MFHAS1: variants seen among roughly 807,000 people sequenced by gnomAD.
The protein encoded by MFHAS1 is malignant fibrous histiocytoma-amplified sequence 1.
Under a neutral mutation model 70.4 loss-of-function variants are expected in MFHAS1, and 50 were observed. That is an observed-to-expected ratio of 0.71 (90% CI 0.57 to 0.90). MFHAS1 has a LOEUF of 0.90. Ranked by LOEUF, MFHAS1 falls within the 40% of genes least tolerant of loss-of-function variation. The pLI is 0.00. For synonymous variants in MFHAS1, 952 were observed against 620.0 expected, an observed-to-expected ratio of 1.54 and a Z score of -7.96; for missense variants, 1,795 against 1,347.6, an observed-to-expected ratio of 1.33 and a Z score of -5.20.
rs59496543 is a variant in MFHAS1 at position 8,856,980 on chromosome 8, GAAAAAAAAAA to G, written c.2998+33071_2998+33080del. ...CCTGACACTTTCACATCAGGAAAGT[GAAAAAAAAAA>G]AAAAAAAAAAAAAAAAAAGAGGAGA... On this transcript the variant is annotated intron_variant, in intron 1 of 2. Transcript: ENST00000276282. Among the ~76,000 whole-genome samples, 66 of 53,388 alleles carry G rather than the reference GAAAAAAAAAA, an allele frequency of 1.2e-3. 1 individual carries two copies. Among genetic ancestry groups the G allele is most frequent in the South Asian group, 2.0e-3 (2 of 1,002 alleles). The allele number at this position is 53,388 out of a possible 152,430, so 35.0% of individuals were successfully genotyped here.
At chr8:8,794,688 A>G (rs1479396137) in intron 2 of MFHAS1, among the ~76,000 whole-genome samples, 1 of 149,886 alleles carries the variant, frequency 6.7e-6, no homozygotes. Flanking sequence ...CTTCATTTAG[A>G]GTTGAGAATT....
intron 1 of MFHAS1, among the ~76,000 whole-genome samples, chr8:8,887,859 CA>C (rs11300082): frequency 0.27 from 25,912 of 95,550 alleles, 2,800 homozygotes; most frequent in African/African-American, 0.39. Flanking sequence ...GCAAAAAAAA[CA>C]AAAAAAAAAA....
intron 1 of MFHAS1, among the ~76,000 whole-genome samples, chr8:8,819,077 T>C (rs1471293180): frequency 2.6e-5 from 4 of 151,946 alleles, no homozygotes; most frequent in Admixed American, 1.3e-4. Context: ...CTAAATAAAG[T>C]CGGCTTATAT....
intron 1 of MFHAS1, among the ~76,000 whole-genome samples, chr8:8,874,830 AT>A (rs1370874467): frequency 1.3e-5 from 2 of 152,120 alleles, no homozygotes; most frequent in East Asian, 3.8e-4. Context: ...CTAGAAAAAA[AT>A]GCCTTAAGTA....
rs1810006271 is a variant in MFHAS1, at chr8:8,891,153, G to GT, written c.1905dup (p.Arg636ThrfsTer12). The GT allele has an allele frequency of 6.2e-7, 1 of 1,613,466 alleles. No homozygotes were observed. Among genetic ancestry groups the GT allele is most frequent in the Non-Finnish European group, 8.5e-7 (1 of 1,180,036 alleles). ...GACAGCAACTTGTCCCGAAGGCGTC[G>GT]TAAGTGGCGCGGGTCCCTGCAGCTA... On this transcript the variant is annotated frameshift_variant, in exon 1 of 3. Transcript: ENST00000276282. LOFTEE classifies it high-confidence loss of function. The surrounding 1 kb of genome is among the most constrained non-coding windows in gnomAD (Gnocchi z 5.4).
At chr8:8,881,157 G>C (rs570417903) in intron 1 of MFHAS1, among the ~76,000 whole-genome samples, 78 of 152,280 alleles carry the variant, frequency 5.1e-4, no homozygotes, top group Non-Finnish European at 9.6e-4. Flanking sequence ...AAACTTGTTG[G>C]TGATAGCTTT....
At chr8:8,786,703 GT>G (rs56344671) in intron 2 of MFHAS1, among the ~76,000 whole-genome samples, 20 of 147,700 alleles carry the variant, frequency 1.4e-4, no homozygotes, top group South Asian at 2.1e-4. Context: ...TTTGAAAGTG[GT>G]TTTTTTTTTT....
intron 1 of MFHAS1, among the ~76,000 whole-genome samples, chr8:8,869,482 T>C (rs1389179336): frequency 6.6e-6 from 1 of 152,156 alleles, no homozygotes; most frequent in East Asian, 1.9e-4. Context: ...GTCTCTTATT[T>C]CTATGAGACC....
intron 1 of MFHAS1, among the ~76,000 whole-genome samples, chr8:8,853,491 C>CA (rs1232883742): frequency 2.4e-3 from 293 of 122,800 alleles, no homozygotes; most frequent in African/African-American, 8.1e-3. Flanking sequence ...AAAAAAAAAA[C>CA]CACACACAAC....
chr8:8,806,070 T>A (rs1806278785), intron 1 of MFHAS1, among the ~76,000 whole-genome samples: 2 of 152,224 alleles, frequency 1.3e-5, no homozygotes, highest in Non-Finnish European at 2.9e-5. Flanking sequence ...GTAGCATTGT[T>A]CCCTACGTCT....
In MFHAS1 at chr8:8,797,559, A is replaced by T. The variant is rs1276978035; in HGVS notation, c.2999-68T>A. On this transcript the variant is annotated intron_variant, in intron 1 of 2. Coordinates refer to ENST00000276282, the MANE Select transcript of MFHAS1 (RefSeq NM_004225.3). ...AAAAATGGGCTCATTTTACAAAGAC[A>T]GCACTGCCCGGGGATGGGGGCAGGG... 4 of 1,537,576 alleles carry T rather than the reference A, an allele frequency of 2.6e-6. No homozygotes were observed. The East Asian group carries it at 9.3e-5, about 36-fold the overall frequency.
chr8:8,789,914 C>T (rs1189496201), intron 2 of MFHAS1, among the ~76,000 whole-genome samples: 1 of 152,108 alleles, frequency 6.6e-6, no homozygotes, highest in Non-Finnish European at 1.5e-5. Context: ...CCTAGACCTG[C>T]CTACCCGGCC....
chr8:8,852,197 T>C (rs1391892913), intron 1 of MFHAS1, among the ~76,000 whole-genome samples: 1 of 152,096 alleles, frequency 6.6e-6, no homozygotes, highest in African/African-American at 2.4e-5. Flanking sequence ...TACCACAATG[T>C]CCAGGTGCGG....
chr8:8,874,423 A>G (rs1809211393), intron 1 of MFHAS1, among the ~76,000 whole-genome samples: 1 of 152,130 alleles, frequency 6.6e-6, no homozygotes, highest in Non-Finnish European at 1.5e-5. Context: ...GAGGCATCTC[A>G]AAAATATATT....
intron 1 of MFHAS1, among the ~76,000 whole-genome samples, chr8:8,800,957 T>TGTA (rs1806064784): frequency 6.6e-6 from 1 of 152,124 alleles, no homozygotes; most frequent in African/African-American, 2.4e-5. Context: ...GGCTCACACC[T>TGTA]GTAATCCCAG....
At chr8:8,809,515 C>T (rs1257521695) in intron 1 of MFHAS1, among the ~76,000 whole-genome samples, 1 of 152,224 alleles carries the variant, frequency 6.6e-6, no homozygotes, top group African/African-American at 2.4e-5. Flanking sequence ...AAAGCCGCCT[C>T]TTCCCGCCAC....
intron 2 of MFHAS1, among the ~76,000 whole-genome samples, chr8:8,795,175 C>G (rs978090068): frequency 6.6e-6 from 1 of 151,946 alleles, no homozygotes; most frequent in African/African-American, 2.4e-5. Flanking sequence ...TCTGTAATAT[C>G]CCCTTGAGCT....
chr8:8,877,431 A>C (rs1238034354), intron 1 of MFHAS1, among the ~76,000 whole-genome samples: 1 of 152,190 alleles, frequency 6.6e-6, no homozygotes, highest in East Asian at 1.9e-4. Context: ...ACAGCCCACA[A>C]TAAAATGGTA....
Position 8,792,164 on chromosome 8 carries a change from G to C in MFHAS1, c.3125+5201C>G, listed in dbSNP as rs535867619. ...TAACAGGAGAATCATTTGAACCCAG[G>C]GGGCAGAGGTTGCAGTGAGCCGAGA... On this transcript the variant is annotated intron_variant, in intron 2 of 2. Coordinates refer to ENST00000276282, the MANE Select transcript of MFHAS1 (RefSeq NM_004225.3). Among the ~76,000 whole-genome samples the C allele has an allele frequency of 3.3e-3, 501 of 151,402 alleles. 3 individuals carry two copies. The highest frequency in any genetic ancestry group is 0.011 in the African/African-American group (471 of 41,016).
Sources: gnomAD v4.1 joint callset for allele counts (sites outside exome capture counted in the v4.1 genomes callset) on GRCh38, gnomAD v4.1.1 for gene constraint, Gnocchi (gnomAD v3.1) non-coding constraint, MANE v1.5 for transcripts, NCBI Gene and HGNC (gene_info 2026-07-23, HGNC 2026-07-21) for gene names.